Variants in EMSY observed in about 807,000 individuals in gnomAD.
EMSY encodes EMSY transcriptional repressor, BRCA2 interacting, also known as BRCA2-interacting transcriptional repressor EMSY.
EMSY carries 26 observed loss-of-function variants against 134.6 expected under a neutral mutation model. The ratio of observed to expected loss-of-function variants is 0.19; its 90% CI spans 0.14 to 0.27. EMSY has a LOEUF of 0.27. Ranked by LOEUF, EMSY falls within the 10% of genes least tolerant of loss-of-function variation. The pLI is 1.00. For synonymous variants in EMSY, 579 were observed against 577.8 expected, an observed-to-expected ratio of 1.00 and a Z score of -0.03; for missense variants, 1,305 against 1,611.4, an observed-to-expected ratio of 0.81 and a Z score of 3.26.
chr11:76,468,328 C>T (rs533440583), intron 7 of EMSY, among the ~76,000 whole-genome samples: 1 of 152,010 alleles, frequency 6.6e-6, no homozygotes, highest in Non-Finnish European at 1.5e-5. Context: ...TTAAAAAAAA[C>T]AAATGTTTAA....
At chr11:76,550,600 G>T (rs1951810522) in exon 21 of EMSY, 1 of 152,644 alleles carries the variant, frequency 6.6e-6, no homozygotes, top group African/African-American at 2.4e-5. Flanking sequence ...TGGAAGTGTT[G>T]AATTGGTTAA....
At chr11:76,514,683 A>G (rs1056138949) in intron 10 of EMSY, among the ~76,000 whole-genome samples, 1 of 152,144 alleles carries the variant, frequency 6.6e-6, no homozygotes, top group African/African-American at 2.4e-5. Flanking sequence ...CATCAACACC[A>G]TCTATCTCCA....
At chr11:76,531,799 G>GA (rs1230789764) in intron 14 of EMSY, among the ~76,000 whole-genome samples, 1 of 152,090 alleles carries the variant, frequency 6.6e-6, no homozygotes, top group Non-Finnish European at 1.5e-5. Flanking sequence ...CCACTATAAG[G>GA]AAAAATCAAT....
At chr11:76,478,709 A>G (rs1190162614) in intron 8 of EMSY, among the ~76,000 whole-genome samples, 2 of 151,768 alleles carry the variant, frequency 1.3e-5, no homozygotes, top group East Asian at 3.8e-4. Context: ...CTTTCTTCAT[A>G]TATCGTTGCT....
At chr11:76,525,622 T>C (rs2136321931) in intron 12 of EMSY, among the ~76,000 whole-genome samples, 1 of 152,276 alleles carries the variant, frequency 6.6e-6, no homozygotes, top group South Asian at 2.1e-4. Context: ...AAGATGTTGA[T>C]TTCATGAGTG....
At chr11:76,541,424 T>G (rs1453207193) in intron 17 of EMSY, among the ~76,000 whole-genome samples, 6 of 152,208 alleles carry the variant, frequency 3.9e-5, no homozygotes, top group African/African-American at 1.4e-4. Flanking sequence ...TTATATTTGT[T>G]TAGTACTTTA....
intron 12 of EMSY, among the ~76,000 whole-genome samples, chr11:76,523,524 A>G (rs1950722396): frequency 6.6e-6 from 1 of 152,188 alleles, no homozygotes; most frequent in Admixed American, 6.5e-5. Flanking sequence ...ACCATGATTT[A>G]GATGCTTAGC....
rs1196202403 is a variant in EMSY, at chr11:76,467,873, G to GT, written c.831+3794dup. Among the ~76,000 whole-genome samples, 3 of 151,882 alleles carry GT rather than the reference G, an allele frequency of 2.0e-5. No individual in the cohort carries two copies. In the East Asian group the frequency reaches 5.8e-4, roughly 29 times the overall value. On this transcript the variant is annotated intron_variant, in intron 7 of 20. Transcript: ENST00000334736. The stretch of plus-strand genomic sequence containing the variant: ...CGGGCGTGGTGGCACATGCTACTCG[G>GT]TAGGCTGAGGCAGGAGAATCGCTTG...
chr11:76,526,525 C>A (rs1427958211), exon 13 of EMSY: 1 of 1,613,764 alleles, frequency 6.2e-7, no homozygotes, highest in South Asian at 1.1e-5. Flanking sequence ...TGCTACAAGA[C>A]CCATCACCAA....
intron 6 of EMSY, among the ~76,000 whole-genome samples, chr11:76,461,770 A>G (rs887211735): frequency 2.6e-5 from 4 of 152,024 alleles, no homozygotes; most frequent in African/African-American, 9.7e-5. Flanking sequence ...TGTCTCTACT[A>G]AAAATACAAA....
intron 4 of EMSY, 87 bp downstream of exon 4, chr11:76,453,475 CTGAG>C: frequency 8.1e-7 from 1 of 1,231,564 alleles, no homozygotes; most frequent in Non-Finnish European, 1.2e-6. Context: ...TAGCAGATTC[CTGAG>C]TCTTTTAAGT....
chr11:76,464,899 T>G (rs1948287543), intron 7 of EMSY, among the ~76,000 whole-genome samples: 1 of 152,224 alleles, frequency 6.6e-6, no homozygotes. Context: ...TCCCTGTGAA[T>G]TTTTGAAGAT....
At chr11:76,446,240 T>A (rs548203831) in intron 1 of EMSY, among the ~76,000 whole-genome samples, 80 of 151,962 alleles carry the variant, frequency 5.3e-4, no homozygotes, top group African/African-American at 1.5e-3. Flanking sequence ...GCTCAACTGT[T>A]GGTAAATGGC....
At chr11:76,552,012 A>C (rs935629894), downstream of EMSY, 2 of 152,222 alleles carry the variant, frequency 1.3e-5, no homozygotes, top group African/African-American at 2.4e-5. Flanking sequence ...TCCCTTGAGA[A>C]TTTAGCCTTC....
intron 20 of EMSY, among the ~76,000 whole-genome samples, chr11:76,547,500 G>A (rs900085774): frequency 1.7e-4 from 26 of 152,288 alleles, no homozygotes; most frequent in African/African-American, 6.0e-4. Context: ...ATGGTTTTCT[G>A]GCTTTGCCAT....
chr11:76,478,791 TTTA>T (rs1167178511), intron 8 of EMSY, among the ~76,000 whole-genome samples: 1 of 150,226 alleles, frequency 6.7e-6, no homozygotes, highest in African/African-American at 2.4e-5. Flanking sequence ...TGTTGCATAA[TTTA>T]TTAAATTTAT....
chr11:76,542,155 C>T, intron 17 of EMSY, 61 bp from the exon 19 acceptor site: 1 of 1,582,140 alleles, frequency 6.3e-7, no homozygotes, highest in Non-Finnish European at 8.7e-7. Context: ...TTTAAAATGA[C>T]TACTGGTTAC....
At chr11:76,512,581 G>A (rs1253868869) in intron 9 of EMSY, among the ~76,000 whole-genome samples, 1 of 150,604 alleles carries the variant, frequency 6.6e-6, no homozygotes, top group African/African-American at 2.4e-5. Flanking sequence ...GCCTCAAAGA[G>A]CATGTTTATA....
chr11:76,462,351 T>C (rs1390138867), intron 6 of EMSY, among the ~76,000 whole-genome samples: 1 of 152,236 alleles, frequency 6.6e-6, no homozygotes, highest in Non-Finnish European at 1.5e-5. Flanking sequence ...TGCTTTATGC[T>C]CAGAAGTCAT....
Sources: gnomAD v4.1 joint callset for allele counts (sites outside exome capture counted in the v4.1 genomes callset) on GRCh38, gnomAD v4.1.1 for gene constraint, MANE v1.5 for transcripts, NCBI Gene and HGNC (gene_info 2026-07-23, HGNC 2026-07-21) for gene names.